The following MAP2K2 variants were observed in gnomAD, a reference collection of about 807,000 sequenced individuals.
MAP2K2 encodes dual specificity mitogen-activated protein kinase kinase 2.
A neutral mutation model predicts 43.7 loss-of-function variants in MAP2K2; 24 were observed. The observed-to-expected ratio is 0.55, with a 90% CI of 0.40 to 0.77. MAP2K2 has a LOEUF of 0.77. Ranked by LOEUF, MAP2K2 falls within the 30% of genes least tolerant of loss-of-function variation. The pLI is 0.00. For synonymous variants in MAP2K2, 244 were observed against 239.7 expected, an observed-to-expected ratio of 1.02 and a Z score of -0.17; for missense variants, 470 against 566.8, an observed-to-expected ratio of 0.83 and a Z score of 1.73.
At position 4,117,505 on chromosome 19, in the gene MAP2K2, C is replaced by T. The variant is rs187018595; in HGVS notation, c.217G>A (p.Glu73Lys). Reference protein sequence around the residue: ...KVGELKDDDFERISELGAGNG... With the variant: ...KVGELKDDDFKRISELGAGNG... ...CCCGCGCCCAGCTCTGAGATCCTTTCGAAGTCATCGTCTTTGAGTTCGCCG... is the reference window on the plus strand; with the variant it reads ...CCCGCGCCCAGCTCTGAGATCCTTTTGAAGTCATCGTCTTTGAGTTCGCCG... Residue 73 changes from glutamate (E) to lysine (K), a missense_variant, in exon 2 of 11, where the codon GAA becomes AAA. Coordinates refer to ENST00000262948, the MANE Select transcript of MAP2K2 (RefSeq NM_030662.4). 1.7e-5 allele frequency: 27 copies of T among 1,614,062 alleles called. No individual in the cohort carries two copies. The highest frequency in any genetic ancestry group is 6.6e-5 in the South Asian group (6 of 91,090).
intron 1 of MAP2K2, among the ~76,000 whole-genome samples, chr19:4,121,913 C>A (rs1205437869): frequency 7.8e-6 from 1 of 128,896 alleles, no homozygotes; most frequent in African/African-American, 3.1e-5. Context: ...ACATCCTGAC[C>A]CTTCTGGGAG....
chr19:4,098,335 G>C (rs2040950716), intron 7 of MAP2K2, among the ~76,000 whole-genome samples: 1 of 152,158 alleles, frequency 6.6e-6, no homozygotes, highest in East Asian at 1.9e-4. Flanking sequence ...AGAAGGTTCT[G>C]GAATTAGAGG....
chr19:4,099,037 C>T (rs972619128), intron 7 of MAP2K2, among the ~76,000 whole-genome samples, 164 bp downstream of exon 7: 12 of 152,338 alleles, frequency 7.9e-5, no homozygotes, highest in East Asian at 1.9e-4. Context: ...GCTCTGTCCC[C>T]GGAAACCCCA....
intron 7 of MAP2K2, among the ~76,000 whole-genome samples, chr19:4,097,545 G>C (rs1300664121): frequency 6.6e-6 from 1 of 152,152 alleles, no homozygotes; most frequent in African/African-American, 2.4e-5. Context: ...CTCCTTGCCT[G>C]AGCCTCTAGT....
At position 4,093,839 on chromosome 19, in the gene MAP2K2, G is replaced by C. The variant is rs186627746; in HGVS notation, c.1092+614C>G. Among the ~76,000 whole-genome samples the C allele has an allele frequency of 3.3e-5, 5 of 152,306 alleles. No individual in the cohort carries two copies. In the East Asian group the frequency reaches 5.8e-4, roughly 18 times the overall value. ...GGCATCTCCAATCCGCCAATCAGCT[G>C]TCGAGGGGTTTGAAGGTCGCTGACG... On this transcript the variant is annotated intron_variant, in intron 10 of 10. Coordinates refer to ENST00000262948, the MANE Select transcript of MAP2K2 (RefSeq NM_030662.4).
At position 4,099,214 on chromosome 19, in the gene MAP2K2, C is replaced by T. The variant is rs773965944; in HGVS notation, c.906G>A (p.Gly302=). ...TTCAGGCCGTACCGCTGACGGGGCG[C>T]CCGGGGGGCCTCGGCCGAGGCGAGA... ...HSISPRPRPP[G]RPVSGHGMDS... The change falls in exon 7 of 11, where the codon GGG becomes GGA. Residue 302 remains glycine (G), a synonymous_variant. Coordinates refer to ENST00000262948, the MANE Select transcript of MAP2K2 (RefSeq NM_030662.4). 5 of 1,603,438 alleles carry T rather than the reference C, an allele frequency of 3.1e-6. No individual in the cohort carries two copies. In the Admixed American group the frequency reaches 5.1e-5, roughly 16 times the overall value.
At chr19:4,099,465 G>T in intron 6 of MAP2K2, 51 bp from the exon 7 acceptor site, 1 of 1,469,094 alleles carries the variant, frequency 6.8e-7, no homozygotes, top group Non-Finnish European at 9.3e-7. Context: ...GATGGCAGCT[G>T]GAACCCGGGA....
chr19:4,097,707 T>C (rs550694406), intron 7 of MAP2K2, among the ~76,000 whole-genome samples: 11 of 152,266 alleles, frequency 7.2e-5, no homozygotes, highest in African/African-American at 2.6e-4. Context: ...GACAGCCGCG[T>C]GACCTTGCAT....
At chr19:4,111,187 A>G (rs534926314) in intron 2 of MAP2K2, among the ~76,000 whole-genome samples, 17 of 152,102 alleles carry the variant, frequency 1.1e-4, no homozygotes, top group Non-Finnish European at 2.5e-4. Context: ...GGGTGATGGA[A>G]TACTGTAAAA....
At chr19:4,094,943 C>T (rs1326908398) in intron 9 of MAP2K2, 6 of 356,882 alleles carry the variant, frequency 1.7e-5, no homozygotes, top group South Asian at 1.2e-4. Context: ...GTCCGCAGCT[C>T]CTTCCCCGTG....
At chr19:4,117,296 G>C (rs1226416968) in intron 2 of MAP2K2, 123 bp downstream of exon 2, 2 of 954,608 alleles carry the variant, frequency 2.1e-6, no homozygotes, top group Non-Finnish European at 3.2e-6. Context: ...CCCTGGTGGG[G>C]ATGAGGGACA....
intron 7 of MAP2K2, 150 bp downstream of exon 7, chr19:4,099,050 AC>A: frequency 1.5e-6 from 1 of 676,686 alleles, no homozygotes; most frequent in Non-Finnish European, 2.5e-6. Context: ...AAACCCCAGG[AC>A]CATGGGAGGA....
chr19:4,101,713 C>T lies in MAP2K2; in HGVS notation c.529-433G>A, dbSNP rs2041014788. Among the ~76,000 whole-genome samples the T allele has an allele frequency of 6.6e-6, 1 of 152,132 alleles. No individual in the cohort carries two copies. Among genetic ancestry groups the T allele is most frequent in the Non-Finnish European group, 1.5e-5 (1 of 68,008 alleles). ...GGGTGCCTGGGAAGGACGATGTTTC[C>T]CCCAGGCCCGCCCTGGAAGCAGCAT... On this transcript the variant is annotated intron_variant, in intron 4 of 10. Coordinates refer to ENST00000262948, the MANE Select transcript of MAP2K2 (RefSeq NM_030662.4). This position sits in a 1 kb window ranked among gnomAD's most constrained non-coding sequence, Gnocchi z 6.3.
Position 4,123,899 on chromosome 19 carries a change from G to A in MAP2K2, c.-24C>T. On this transcript the variant is annotated 5_prime_UTR_variant, in exon 1 of 11. Coordinates refer to ENST00000262948, the MANE Select transcript of MAP2K2 (RefSeq NM_030662.4). ...ATCGGGGCTCCGCGGGCCGGCGGCGGCGGCGCCTCTAGCCGGGGCCCATAG... is the reference window on the plus strand; with the variant it reads ...ATCGGGGCTCCGCGGGCCGGCGGCGACGGCGCCTCTAGCCGGGGCCCATAG... The A allele has an allele frequency of 1.4e-6, 2 of 1,380,578 alleles. No homozygotes were observed. The highest frequency in any genetic ancestry group is 1.5e-5 in the South Asian group (1 of 65,382). 85.5% of individuals were successfully genotyped at this position (1,380,578 alleles called of 1,614,324 possible).
chr19:4,123,774 G>C lies in MAP2K2; in HGVS notation c.92+10C>G. 6.5e-7 allele frequency: 1 copy of C among 1,540,762 alleles called. No individual in the cohort carries two copies. The highest frequency in any genetic ancestry group is 1.2e-5 in the South Asian group (1 of 83,078). On this transcript the variant is annotated intron_variant, in intron 1 of 10. Transcript: ENST00000262948. ...CACCCCAAGCCTCCGGCTGACCCCT[G>C]CCCACTCACTCGGAGGCGCCCTCGC...
intron 2 of MAP2K2, among the ~76,000 whole-genome samples, chr19:4,112,208 C>T (rs979071012): frequency 3.3e-5 from 5 of 152,236 alleles, no homozygotes; most frequent in South Asian, 2.1e-4. Context: ...AGTGAAGGGG[C>T]GGCCAAGCAC....
rs2040844197 is a variant in MAP2K2, at chr19:4,090,474, T to C, written c.*124A>G. On this transcript the variant is annotated 3_prime_UTR_variant, in exon 11 of 11. Transcript: ENST00000262948. ...TGCATGCGCTGTCGCCCCGCCACGG[T>C]GCTCTCCGCAGGGGTGAGGCAGGAG... 3 of 836,602 alleles carry C rather than the reference T, an allele frequency of 3.6e-6. No individual in the cohort carries two copies. The highest frequency in any genetic ancestry group is 1.7e-5 in the African/African-American group (1 of 59,576). The allele number at this position is 836,602 out of a possible 1,614,324, so 51.8% of individuals were successfully genotyped here.
In MAP2K2 at chr19:4,101,331, T is replaced by A; in HGVS notation, c.529-51A>T. On this transcript the variant is annotated intron_variant, in intron 4 of 10. Coordinates refer to ENST00000262948, the MANE Select transcript of MAP2K2 (RefSeq NM_030662.4). The surrounding 1 kb of genome is among the most constrained non-coding windows in gnomAD (Gnocchi z 6.3). Reference sequence around the variant, plus strand: ...CGGGACAAGGCCACCAGGGCTTAGCTCCTGACCGAGCCCGGGGGTCAGAGC... The same window carrying A: ...CGGGACAAGGCCACCAGGGCTTAGCACCTGACCGAGCCCGGGGGTCAGAGC... 6.5e-7 allele frequency: 1 copy of A among 1,547,330 alleles called. No individual in the cohort carries two copies. Among genetic ancestry groups the A allele is most frequent in the Non-Finnish European group, 8.8e-7 (1 of 1,142,658 alleles).
intron 1 of MAP2K2, 120 bp downstream of exon 1, chr19:4,123,664 T>A: frequency 1.3e-5 from 3 of 226,772 alleles, no homozygotes; most frequent in Non-Finnish European, 2.1e-5. Flanking sequence ...CACCCCGTCC[T>A]CCCCCGTGAC....
Sources: allele counts gnomAD v4.1 joint callset (sites outside exome capture counted in the v4.1 genomes callset), GRCh38; gene constraint gnomAD v4.1.1; non-coding constraint Gnocchi (gnomAD v3.1); transcripts MANE v1.5; gene names NCBI Gene and HGNC (gene_info 2026-07-23, HGNC 2026-07-21).